MS4A5: variants seen among roughly 807,000 people sequenced by gnomAD.
The protein encoded by MS4A5 is membrane spanning 4-domains A5.
MS4A5 carries 15 observed loss-of-function variants against 18.2 expected under a neutral mutation model. The observed-to-expected ratio is 0.83, with a 90% CI of 0.55 to 1.27. MS4A5 has a LOEUF of 1.27. MS4A5 is among the 50% of genes most tolerant of loss of function. The pLI is 0.00. For missense variants in MS4A5, 232 were observed against 225.7 expected (o/e 1.03, Z -0.18); for synonymous variants, 89 against 78.7 (o/e 1.13, Z -0.69).
chr11:60,438,400 A>T (rs150553169), intron 4 of MS4A5, among the ~76,000 whole-genome samples: 40,040 of 151,026 alleles, frequency 0.27, 5,705 homozygotes, highest in Admixed American at 0.38. Flanking sequence ...AAAAGCTAGC[A>T]GAAGCCAAGA....
chr11:60,445,670 T>C (rs1211575270), intron 4 of MS4A5, among the ~76,000 whole-genome samples: 1 of 152,108 alleles, frequency 6.6e-6, no homozygotes, highest in Non-Finnish European at 1.5e-5. Context: ...TGCATATAAC[T>C]GACAAGAAGT....
Position 60,430,868 on chromosome 11 carries a change from T to C in MS4A5, c.226T>C (p.Tyr76His), listed in dbSNP as rs2086044935. Residue 76 changes from tyrosine to histidine, a missense_variant, in exon 2 of 5, where the codon TAT becomes CAT. Physicochemically the swap from Tyr to His is moderately conservative, Grantham distance 83 (BLOSUM62 2). Transcript: ENST00000300190. ...CTTCCTTTTCACCTTGTTAAAACCA[T>C]ATCCAAGGTTTCCCTTTATATTTCT... is the stretch of plus-strand genomic sequence containing the variant. Reference protein sequence around the residue: ...VIFLFTLLKPYPRFPFIFLSG... With the variant: ...VIFLFTLLKPHPRFPFIFLSG... 6.2e-7 allele frequency: 1 copy of C among 1,613,406 alleles called. No homozygotes were observed. Among genetic ancestry groups the C allele is most frequent in the Non-Finnish European group, 8.5e-7 (1 of 1,179,746 alleles).
At chr11:60,437,416 A>G (rs2086086408) in intron 4 of MS4A5, among the ~76,000 whole-genome samples, 1 of 151,314 alleles carries the variant, frequency 6.6e-6, no homozygotes, top group East Asian at 1.9e-4. Context: ...AAATTCACAC[A>G]TAACAATATT....
At chr11:60,430,711 C>G in intron 1 of MS4A5, 85 bp from the exon 2 acceptor site, 1 of 1,506,088 alleles carries the variant, frequency 6.6e-7, no homozygotes, top group South Asian at 1.2e-5. Context: ...ATTGCCAAAT[C>G]CTTTTGACCA....
intron 4 of MS4A5, among the ~76,000 whole-genome samples, chr11:60,440,870 A>G (rs1302567647): frequency 2.9e-4 from 38 of 131,284 alleles, no homozygotes; most frequent in African/African-American, 8.7e-4. Flanking sequence ...TCAGTGTGGC[A>G]ATTCCTCAGG....
chr11:60,441,428 T>A (rs1305225168), intron 4 of MS4A5, among the ~76,000 whole-genome samples: 459 of 91,424 alleles, frequency 5.0e-3, no homozygotes, highest in Middle Eastern at 0.029. Flanking sequence ...TAAAGTATAA[T>A]AAAAAAAAAG....
chr11:60,447,101 C>A (rs2086142941), intron 4 of MS4A5, among the ~76,000 whole-genome samples: 1 of 150,332 alleles, frequency 6.7e-6, no homozygotes, highest in Non-Finnish European at 1.5e-5. Context: ...CTATGCTATG[C>A]TATGTTAGCT....
intron 4 of MS4A5, among the ~76,000 whole-genome samples, chr11:60,435,740 G>C (rs1170358935): frequency 1.3e-5 from 2 of 152,064 alleles, no homozygotes; most frequent in Admixed American, 6.5e-5. Flanking sequence ...AAAAAACGGC[G>C]CACCACGAGA....
chr11:60,447,371 A>AGTGCTATGCTATCCT (rs1565190029), intron 4 of MS4A5, among the ~76,000 whole-genome samples: 4 of 100,380 alleles, frequency 4.0e-5, no homozygotes, highest in African/African-American at 1.6e-4. Flanking sequence ...TATGCTATGC[A>AGTGCTATGCTATCCT]ATGCAGTGCT....
intron 4 of MS4A5, among the ~76,000 whole-genome samples, chr11:60,442,024 T>C (rs1236109143): frequency 2.6e-5 from 4 of 152,182 alleles, no homozygotes; most frequent in African/African-American, 9.6e-5. Context: ...AAAATCATCA[T>C]AAGAAATTTT....
In MS4A5 at chr11:60,446,589, C is replaced by T. The variant is rs368376265; in HGVS notation, c.493-1060C>T. Among the ~76,000 whole-genome samples, 156 of 152,140 alleles carry T rather than the reference C, an allele frequency of 1.0e-3. 2 individuals carry two copies. In the South Asian group the frequency reaches 0.03, roughly 29 times the overall value. ...CTCTACTAAAAACACAAAAACTAGC[C>T]GGGTTTGGTGGTGGGCACCTGTAAT... On this transcript the variant is annotated intron_variant, in intron 4 of 4. Coordinates refer to ENST00000300190, the MANE Select transcript of MS4A5 (RefSeq NM_023945.3).
chr11:60,442,648 G>A (rs913742029), intron 4 of MS4A5, among the ~76,000 whole-genome samples: 33 of 152,058 alleles, frequency 2.2e-4, no homozygotes, highest in African/African-American at 4.1e-4. Flanking sequence ...AGAACTTAAA[G>A]TAAAATAATA....
At chr11:60,435,904 G>A (rs1277055807) in intron 4 of MS4A5, among the ~76,000 whole-genome samples, 2 of 152,258 alleles carry the variant, frequency 1.3e-5, no homozygotes, top group African/African-American at 4.8e-5. Context: ...AAGCAGCTGG[G>A]AAGCTCCAAC....
chr11:60,441,309 G>A (rs1157482299), intron 4 of MS4A5, among the ~76,000 whole-genome samples: 2 of 86,822 alleles, frequency 2.3e-5, no homozygotes, highest in South Asian at 3.3e-4. Context: ...GGATAGCATC[G>A]GGAGATATAC....
At chr11:60,437,510 G>C (rs2086086949) in intron 4 of MS4A5, among the ~76,000 whole-genome samples, 2 of 152,186 alleles carry the variant, frequency 1.3e-5, no homozygotes, top group Non-Finnish European at 2.9e-5. Flanking sequence ...CCATCAGTGT[G>C]CTGTATTCAG....
chr11:60,436,488 C>T (rs1431237514), intron 4 of MS4A5, among the ~76,000 whole-genome samples: 2 of 136,770 alleles, frequency 1.5e-5, no homozygotes, highest in Non-Finnish European at 3.3e-5. Flanking sequence ...TATGGGAGGA[C>T]ATTCAAACCA....
In MS4A5 at chr11:60,432,462, A is replaced by T; in HGVS notation, c.334A>T (p.Thr112Ser). The change falls in exon 3 of 5, where the codon ACT becomes TCT. Residue 112 changes from threonine (T) to serine (S), a missense_variant. Transcript: ENST00000300190. ...TGCAGTGAAAAGAAAAACCACAGAA[A>T]CTCTGGTGAGTTATATTCTTACTTT... is the stretch of plus-strand genomic sequence containing the variant. ...LIAVKRKTTE[T>S]LIILSRIMNF... 1 of 1,578,512 alleles carries T rather than the reference A, an allele frequency of 6.3e-7. No individual in the cohort carries two copies. The highest frequency in any genetic ancestry group is 8.7e-7 in the Non-Finnish European group (1 of 1,151,026).
At chr11:60,447,376 AG>A (rs2086146818) in intron 4 of MS4A5, among the ~76,000 whole-genome samples, 1 of 122,990 alleles carries the variant, frequency 8.1e-6, no homozygotes, top group Non-Finnish European at 1.8e-5. Context: ...TATGCAATGC[AG>A]TGCTATGCTA....
rs1309069351 is a variant in MS4A5 at position 60,447,646 on chromosome 11, CAGGGA to C, written c.493-1_496del. 1 of 1,509,678 alleles carries C rather than the reference CAGGGA, an allele frequency of 6.6e-7. No individual in the cohort carries two copies. Among genetic ancestry groups the C allele is most frequent in the South Asian group, 1.2e-5 (1 of 82,078 alleles). The allele number at this position is 1,509,678 out of a possible 1,614,324, so 93.5% of individuals were successfully genotyped here. On this transcript the variant is annotated splice_acceptor_variant and coding_sequence_variant, in exon 5 of 5. Coordinates refer to ENST00000300190, the MANE Select transcript of MS4A5 (RefSeq NM_023945.3). LOFTEE classifies it high-confidence loss of function. ...ATTTTTTTTTCTTCTTCTTCTATTA[CAGGGA>C]ATTTTGATTACATTGATGACTTTCA...
Sources: allele counts gnomAD v4.1 joint callset (sites outside exome capture counted in the v4.1 genomes callset), GRCh38; gene constraint gnomAD v4.1.1; transcripts MANE v1.5; gene names NCBI Gene and HGNC (gene_info 2026-07-23, HGNC 2026-07-21).